GLRX3: variants seen among roughly 807,000 people sequenced by gnomAD.
The protein encoded by GLRX3 is glutaredoxin 3, also known as glutaredoxin-3.
GLRX3 carries 22 observed loss-of-function variants against 49.5 expected under a neutral mutation model. The ratio of observed to expected loss-of-function variants is 0.44; its 90% CI spans 0.32 to 0.63. GLRX3 has a LOEUF of 0.63. Among genes scored for constraint, GLRX3 ranks in the 30% least tolerant of loss-of-function variants. The probability of loss-of-function intolerance (pLI) is 0.05; values close to 1 mark genes in which losing one functional copy is unlikely to be tolerated. For missense variants in GLRX3, 385 were observed against 396.3 expected, an observed-to-expected ratio of 0.97 and a Z score of 0.24; for synonymous variants, 133 against 140.0, an observed-to-expected ratio of 0.95 and a Z score of 0.35.
chr10:130,156,244 C>G (rs1045927740), intron 2 of GLRX3, among the ~76,000 whole-genome samples: 3 of 152,170 alleles, frequency 2.0e-5, no homozygotes, highest in Admixed American at 2.0e-4. Context: ...ACCTTGTTGC[C>G]GTGTCCTCAC....
At chr10:130,149,170 G>A (rs1022219678) in intron 2 of GLRX3, among the ~76,000 whole-genome samples, 3 of 152,102 alleles carry the variant, frequency 2.0e-5, no homozygotes, top group African/African-American at 4.8e-5. Context: ...TCTGGGCTCC[G>A]TCCTGAGTTT....
At chr10:130,148,433 CTTTTTTT>C (rs57482969) in intron 2 of GLRX3, among the ~76,000 whole-genome samples, 7,600 of 70,766 alleles carry the variant, frequency 0.11, 331 homozygotes, top group South Asian at 0.14. Flanking sequence ...GCCCTTCAGT[CTTTTTTT>C]TTTTTTTTTT....
intron 5 of GLRX3, 37 bp from the exon 6 acceptor site, chr10:130,166,882 A>AT (rs771045423): frequency 1.5e-6 from 2 of 1,339,178 alleles, no homozygotes; most frequent in Non-Finnish European, 2.1e-6. Context: ...TGTTATAATA[A>AT]TTTTTTTCAT....
chr10:130,167,098 G>A (rs1385813630), intron 6 of GLRX3, 118 bp downstream of exon 6: 3 of 544,622 alleles, frequency 5.5e-6, no homozygotes, highest in Non-Finnish European at 9.5e-6. Context: ...TATGCCAGAC[G>A]TCATAATTGT....
At chr10:130,169,054 T>G (rs1345982693) in intron 6 of GLRX3, among the ~76,000 whole-genome samples, 1 of 152,178 alleles carries the variant, frequency 6.6e-6, no homozygotes, top group African/African-American at 2.4e-5. Flanking sequence ...TGTACAGTGG[T>G]ATGCAGCATC....
At chr10:130,165,594 T>C (rs1266950489) in intron 4 of GLRX3, among the ~76,000 whole-genome samples, 1 of 152,130 alleles carries the variant, frequency 6.6e-6, no homozygotes, top group African/African-American at 2.4e-5. Context: ...TGATGGTTCA[T>C]ATATAACAAC....
At chr10:130,161,720 T>A in intron 4 of GLRX3, among the ~76,000 whole-genome samples, 1 of 152,246 alleles carries the variant, frequency 6.6e-6, no homozygotes, top group East Asian at 1.9e-4. Context: ...GTATGCTGCA[T>A]AATTGAGCAT....
intron 1 of GLRX3, among the ~76,000 whole-genome samples, chr10:130,138,612 CAT>C (rs1423455391): frequency 6.6e-6 from 1 of 152,142 alleles, no homozygotes. Context: ...TGGGGAGGGA[CAT>C]GTGACATTTA....
chr10:130,171,335 G>A (rs1473820606), intron 7 of GLRX3, among the ~76,000 whole-genome samples: 2 of 152,070 alleles, frequency 1.3e-5, no homozygotes, highest in African/African-American at 4.8e-5. Flanking sequence ...AATATAAACT[G>A]TTGGAACACA....
intron 10 of GLRX3, among the ~76,000 whole-genome samples, chr10:130,177,181 C>T (rs1862939666): frequency 6.6e-6 from 1 of 152,098 alleles, no homozygotes; most frequent in East Asian, 1.9e-4. Context: ...ATCTGGCTGG[C>T]CTCTTTGGAG....
At chr10:130,141,102 G>A (rs910639713) in intron 1 of GLRX3, among the ~76,000 whole-genome samples, 3 of 152,078 alleles carry the variant, frequency 2.0e-5, no homozygotes, top group Non-Finnish European at 4.4e-5. Context: ...TTTGAGAGGC[G>A]AATGCAGGCA....
chr10:130,153,474 T>A (rs1035478140), intron 2 of GLRX3, among the ~76,000 whole-genome samples: 5 of 152,184 alleles, frequency 3.3e-5, no homozygotes, highest in Non-Finnish European at 7.3e-5. Flanking sequence ...GACATTTGGA[T>A]GGGGTTTCTG....
At chr10:130,156,733 C>T (rs2134895242) in intron 2 of GLRX3, among the ~76,000 whole-genome samples, 1 of 152,314 alleles carries the variant, frequency 6.6e-6, no homozygotes, top group East Asian at 1.9e-4. Context: ...TCTGGATTTA[C>T]CTGATGCCTC....
intron 2 of GLRX3, among the ~76,000 whole-genome samples, chr10:130,155,877 T>G (rs1452490438): frequency 6.6e-6 from 1 of 151,968 alleles, no homozygotes; most frequent in Non-Finnish European, 1.5e-5. Context: ...AGTTTGAGCA[T>G]TTAGGGAGGG....
intron 10 of GLRX3, among the ~76,000 whole-genome samples, chr10:130,178,436 A>T (rs1452042450): frequency 6.6e-6 from 1 of 150,710 alleles, no homozygotes; most frequent in African/African-American, 2.4e-5. Context: ...TTTTTTTTTT[A>T]ATAGAGATGG....
At chr10:130,171,008 G>T (rs1290118942) in intron 7 of GLRX3, among the ~76,000 whole-genome samples, 1 of 151,870 alleles carries the variant, frequency 6.6e-6, no homozygotes, top group Non-Finnish European at 1.5e-5. Flanking sequence ...CATGCCTATA[G>T]TCCCAGCTAC....
chr10:130,175,195 T>G (rs7918967), intron 10 of GLRX3, 106 bp downstream of exon 10: 68,051 of 714,344 alleles, frequency 0.095, 3,660 homozygotes, highest in Middle Eastern at 0.15. Context: ...GACTCCTGTT[T>G]CCAGCCTGAC....
At chr10:130,175,112 T>C (rs761186346) in intron 10 of GLRX3, 23 bp downstream of exon 10, 17 of 1,275,886 alleles carry the variant, frequency 1.3e-5, no homozygotes, top group East Asian at 9.2e-5. Context: ...CTTCTGCTGT[T>C]CTAAAGAACG....
At chr10:130,179,303 A>G (rs981728993) in intron 10 of GLRX3, 39 bp from the exon 11 acceptor site, 1 of 888,650 alleles carries the variant, frequency 1.1e-6, no homozygotes, top group Non-Finnish European at 1.8e-6. Flanking sequence ...CTTTTTATAT[A>G]TGCATATACA....
Sources: gnomAD v4.1 joint callset for allele counts (sites outside exome capture counted in the v4.1 genomes callset) on GRCh38, gnomAD v4.1.1 for gene constraint, MANE v1.5 for transcripts, NCBI Gene and HGNC (gene_info 2026-07-23, HGNC 2026-07-21) for gene names.